Variants in DLGAP2 observed in about 807,000 individuals in gnomAD.
DLGAP2 encodes the protein disks large-associated protein 2.
Under a neutral mutation model 100.3 loss-of-function variants are expected in DLGAP2, and 26 were observed. That is an observed-to-expected ratio of 0.26 (90% confidence interval 0.19 to 0.36). The LOEUF is 0.36. Among genes scored for constraint, DLGAP2 ranks in the 10% least tolerant of loss-of-function variants. The probability of loss-of-function intolerance (pLI) is 1.00; values close to 1 mark genes in which losing one functional copy is unlikely to be tolerated. For missense variants in DLGAP2, 1,858 were observed against 1,453.2 expected (o/e 1.28, Z -4.53); for synonymous variants, 886 against 630.1 (o/e 1.41, Z -6.08).
chr8:1,412,070 C>T (rs1348200397), intron 3 of DLGAP2, among the ~76,000 whole-genome samples: 1 of 152,268 alleles, frequency 6.6e-6, no homozygotes, highest in Non-Finnish European at 1.5e-5. Context: ...CCTGGAGTCA[C>T]TGCCCTTTCT....
At chr8:1,159,268 GTC>G (rs1796846790) in intron 2 of DLGAP2, among the ~76,000 whole-genome samples, 1 of 152,158 alleles carries the variant, frequency 6.6e-6, no homozygotes, top group Admixed American at 6.5e-5. Context: ...TGCTTTATCT[GTC>G]TCAAGAGTCT....
chr8:1,281,400 G>T (rs912045134), intron 3 of DLGAP2, among the ~76,000 whole-genome samples: 2 of 152,082 alleles, frequency 1.3e-5, no homozygotes, highest in African/African-American at 4.8e-5. Context: ...TCCCTTAGGC[G>T]CCCCCAGTGG....
chr8:1,324,291 C>T (rs1196850270), intron 3 of DLGAP2, among the ~76,000 whole-genome samples: 2 of 152,218 alleles, frequency 1.3e-5, no homozygotes, highest in Non-Finnish European at 2.9e-5. Flanking sequence ...CATTGAGCTC[C>T]AGGCCATTTT....
At chr8:1,276,167 G>C (rs946847615) in intron 3 of DLGAP2, among the ~76,000 whole-genome samples, 1 of 148,106 alleles carries the variant, frequency 6.8e-6, no homozygotes, top group Non-Finnish European at 1.5e-5. Flanking sequence ...GAGAGACTCA[G>C]GCATTGCTCA....
chr8:1,206,423 G>A (rs368217990), intron 2 of DLGAP2, among the ~76,000 whole-genome samples: 24 of 107,708 alleles, frequency 2.2e-4, no homozygotes, highest in South Asian at 3.1e-4. Context: ...GACTGTGAGC[G>A]GTTAATCTCC....
At chr8:1,618,909 C>G (rs1797242412) in intron 6 of DLGAP2, among the ~76,000 whole-genome samples, 1 of 152,126 alleles carries the variant, frequency 6.6e-6, no homozygotes, top group South Asian at 2.1e-4. Flanking sequence ...GTGGCAAACT[C>G]AAAATATCTC....
intron 2 of DLGAP2, among the ~76,000 whole-genome samples, chr8:1,152,965 G>A (rs539312615): frequency 6.6e-6 from 1 of 152,170 alleles, no homozygotes. Context: ...CCTCTCTGAT[G>A]TATTTGGCAC....
intron 3 of DLGAP2, among the ~76,000 whole-genome samples, chr8:1,361,124 T>A (rs1427392525): frequency 6.6e-6 from 1 of 152,262 alleles, no homozygotes; most frequent in Non-Finnish European, 1.5e-5. Flanking sequence ...GCTGAGATGG[T>A]CCTTGGTGGT....
At chr8:1,182,253 G>C (rs755149208) in intron 2 of DLGAP2, among the ~76,000 whole-genome samples, 4 of 152,260 alleles carry the variant, frequency 2.6e-5, no homozygotes, top group Admixed American at 6.5e-5. Context: ...CGACTGCCAT[G>C]TTCCTGTTTT....
At chr8:960,394 C>G (rs904251828) in intron 2 of DLGAP2, among the ~76,000 whole-genome samples, 3 of 151,678 alleles carry the variant, frequency 2.0e-5, no homozygotes, top group Admixed American at 6.6e-5. Context: ...CACCACCACG[C>G]CAGCTGTTTG....
intron 2 of DLGAP2, among the ~76,000 whole-genome samples, chr8:945,829 C>CCT (rs1225764732): frequency 2.0e-5 from 3 of 151,756 alleles, no homozygotes; most frequent in Non-Finnish European, 2.9e-5. Flanking sequence ...TCCATTTCCC[C>CCT]CTCTCTCTCT....
chr8:1,357,777 C>T (rs1174857530), intron 3 of DLGAP2, among the ~76,000 whole-genome samples: 4 of 152,166 alleles, frequency 2.6e-5, no homozygotes, highest in African/African-American at 7.2e-5. Context: ...TGAGCAGCCT[C>T]GTAGTGCCAT....
intron 2 of DLGAP2, among the ~76,000 whole-genome samples, chr8:1,087,375 C>G (rs1188268196): frequency 6.6e-6 from 1 of 152,182 alleles, no homozygotes; most frequent in Non-Finnish European, 1.5e-5. Flanking sequence ...CTTTGCCTCT[C>G]CAGTTCAGAG....
intron 2 of DLGAP2, among the ~76,000 whole-genome samples, chr8:1,036,449 G>A (rs1348103227): frequency 2.0e-5 from 3 of 152,240 alleles, no homozygotes; most frequent in African/African-American, 4.8e-5. Context: ...GACCCTACAC[G>A]GGGTGTGGGT....
intron 4 of DLGAP2, among the ~76,000 whole-genome samples, chr8:1,541,187 G>A (rs1160537771): frequency 1.3e-5 from 2 of 152,170 alleles, no homozygotes; most frequent in Non-Finnish European, 2.9e-5. Context: ...CCTCCACTGA[G>A]CCCCTAATGC....
At chr8:873,599 T>A (rs1280367082) in intron 1 of DLGAP2, among the ~76,000 whole-genome samples, 1 of 152,224 alleles carries the variant, frequency 6.6e-6, no homozygotes, top group Non-Finnish European at 1.5e-5. Flanking sequence ...GAGGATTTTT[T>A]AATCTATATT....
intron 2 of DLGAP2, among the ~76,000 whole-genome samples, chr8:1,061,202 C>T (rs571677360): frequency 6.6e-5 from 10 of 152,288 alleles, no homozygotes; most frequent in South Asian, 4.1e-4. Flanking sequence ...TCTGTGGAAT[C>T]GTCGCCCATC....
intron 1 of DLGAP2, among the ~76,000 whole-genome samples, chr8:889,955 C>T (rs1009010391): frequency 2.0e-5 from 3 of 152,122 alleles, no homozygotes; most frequent in East Asian, 1.9e-4. Flanking sequence ...AAGTTTCCCC[C>T]GCTGGGTAGT....
intron 1 of DLGAP2, among the ~76,000 whole-genome samples, chr8:761,029 G>T (rs1310539993): frequency 6.6e-6 from 1 of 152,198 alleles, no homozygotes; most frequent in Non-Finnish European, 1.5e-5. Context: ...AGCTGACATG[G>T]TCGGTCCTGG....
Sources: gnomAD v4.1 joint callset for allele counts (sites outside exome capture counted in the v4.1 genomes callset) on GRCh38, gnomAD v4.1.1 for gene constraint, MANE v1.5 for transcripts, NCBI Gene and HGNC (gene_info 2026-07-23, HGNC 2026-07-21) for gene names.